SPDYE10: variants seen among roughly 807,000 people sequenced by gnomAD.
SPDYE10 encodes the protein speedy/RINGO cell cycle regulator family member E10, also known as speedy protein E10.
chr7:73,128,221 G>GC, the SPDYE10 span, among the ~76,000 whole-genome samples: 2 of 149,776 alleles, frequency 1.3e-5, no homozygotes, highest in African/African-American at 4.9e-5. Context: ...AGCAAAAAAA[G>GC]CAGGTTGCAG....
chr7:73,141,070 C>CACACA, the SPDYE10 span, among the ~76,000 whole-genome samples: 2 of 136,028 alleles, frequency 1.5e-5, no homozygotes, highest in African/African-American at 5.2e-5. Flanking sequence ...TCCATTTCTA[C>CACACA]CACACACACA....
the SPDYE10 span, among the ~76,000 whole-genome samples, chr7:73,113,658 C>T: frequency 3.3e-5 from 5 of 151,982 alleles, no homozygotes; most frequent in Non-Finnish European, 1.5e-5. Flanking sequence ...CTTTGGGAGG[C>T]CATAGCAGGT....
At chr7:73,122,937 G>T in the SPDYE10 span, among the ~76,000 whole-genome samples, 1 of 152,222 alleles carries the variant, frequency 6.6e-6, no homozygotes, top group African/African-American at 2.4e-5. Flanking sequence ...CACATCAGGA[G>T]GAGCCGGTGG....
chr7:73,137,899 G>A, the SPDYE10 span, among the ~76,000 whole-genome samples: 3 of 134,094 alleles, frequency 2.2e-5, no homozygotes, highest in Admixed American at 7.3e-5. Flanking sequence ...GAGAGGGGAA[G>A]GGGAGGGGAA....
chr7:73,134,897 A>G, the SPDYE10 span, among the ~76,000 whole-genome samples: 112 of 151,222 alleles, frequency 7.4e-4, no homozygotes, highest in Non-Finnish European at 7.7e-4. Context: ...AAGAAAGAAA[A>G]AAAAAATGCT....
chr7:73,123,788 C>CTCTCTCTCTCTCTCTCTCTCT, the SPDYE10 span, among the ~76,000 whole-genome samples: 2 of 97,460 alleles, frequency 2.1e-5, no homozygotes, highest in Non-Finnish European at 3.7e-5. Flanking sequence ...TCTCTCTCTC[C>CTCTCTCTCTCTCTCTCTCTCT]CTCTCTCTCT....
chr7:73,126,455 C>G, the SPDYE10 span, among the ~76,000 whole-genome samples: 1 of 110,134 alleles, frequency 9.1e-6, no homozygotes, highest in African/African-American at 4.1e-5. Flanking sequence ...TGCAGTGAGC[C>G]AATATTGTGC....
At chr7:73,123,019 G>A in the SPDYE10 span, among the ~76,000 whole-genome samples, 1 of 152,080 alleles carries the variant, frequency 6.6e-6, no homozygotes. Context: ...CAGCACTGAG[G>A]GCCACTCCAG....
the SPDYE10 span, among the ~76,000 whole-genome samples, chr7:73,114,315 C>CG: frequency 1.5e-4 from 19 of 127,132 alleles, no homozygotes; most frequent in Non-Finnish European, 3.1e-4. Context: ...GCACACACAC[C>CG]TCTCTAGAAC....
At chr7:73,130,559 G>T in the SPDYE10 span, among the ~76,000 whole-genome samples, 1 of 152,310 alleles carries the variant, frequency 6.6e-6, no homozygotes, top group Non-Finnish European at 1.5e-5. Flanking sequence ...CTGAGTTCAG[G>T]CAATTCTGCC....
chr7:73,131,262 A>G, the SPDYE10 span, among the ~76,000 whole-genome samples: 1 of 144,040 alleles, frequency 6.9e-6, no homozygotes, highest in African/African-American at 2.7e-5. Context: ...AGCAGGAGCA[A>G]GCAATGGAGA....
chr7:73,137,649 G>A, the SPDYE10 span, among the ~76,000 whole-genome samples: 2 of 128,042 alleles, frequency 1.6e-5, no homozygotes, highest in Non-Finnish European at 3.3e-5. Flanking sequence ...AAAGGAGAAA[G>A]AAAGAAAAGA....
the SPDYE10 span, among the ~76,000 whole-genome samples, chr7:73,115,440 T>C: frequency 5.9e-4 from 90 of 151,366 alleles, no homozygotes; most frequent in Non-Finnish European, 7.7e-4. Context: ...GTGCCAGGCA[T>C]GTTCATGGAA....
the SPDYE10 span, among the ~76,000 whole-genome samples, chr7:73,137,610 GAAAGA>G: frequency 1.5e-5 from 2 of 132,906 alleles, no homozygotes; most frequent in Non-Finnish European, 3.1e-5. Context: ...AAGAAAGAAA[GAAAGA>G]AAGAAAGAAA....
At chr7:73,134,885 AAAAG>A in the SPDYE10 span, among the ~76,000 whole-genome samples, 1 of 152,306 alleles carries the variant, frequency 6.6e-6, no homozygotes, top group Non-Finnish European at 1.5e-5. Context: ...ATTAAGACCA[AAAAG>A]AAAGAAAAAA....
At chr7:73,151,827 A>ATT in the SPDYE10 span, among the ~76,000 whole-genome samples, 1 of 90,356 alleles carries the variant, frequency 1.1e-5, no homozygotes, top group Non-Finnish European at 2.1e-5. Flanking sequence ...CTGTTTAATT[A>ATT]TTTTTTTAAA....
the SPDYE10 span, among the ~76,000 whole-genome samples, chr7:73,115,238 C>A: frequency 6.6e-6 from 1 of 152,282 alleles, no homozygotes; most frequent in African/African-American, 2.4e-5. Flanking sequence ...CCTCTGAACT[C>A]CCTCTTCCAC....
At chr7:73,138,445 C>G in the SPDYE10 span, among the ~76,000 whole-genome samples, 9 of 150,672 alleles carry the variant, frequency 6.0e-5, no homozygotes, top group Admixed American at 2.0e-4. Flanking sequence ...GTGGTGCAAT[C>G]TCAGCTCACT....
At chr7:73,134,537 A>AAGAAAGGAAAGAAAGAAAGAAAG in the SPDYE10 span, among the ~76,000 whole-genome samples, 4 of 139,530 alleles carry the variant, frequency 2.9e-5, no homozygotes, top group Non-Finnish European at 6.2e-5. Flanking sequence ...GAAAGAAAGA[A>AAGAAAGGAAAGAAAGAAAGAAAG]AAAGAAAGAA....
Sources: gnomAD v4.1 joint callset for allele counts (sites outside exome capture counted in the v4.1 genomes callset) on GRCh38, gnomAD v4.1.1 for gene constraint, MANE v1.5 for transcripts, NCBI Gene and HGNC (gene_info 2026-07-23, HGNC 2026-07-21) for gene names.